PAPSS1: variants seen among roughly 807,000 people sequenced by gnomAD.
PAPSS1 encodes the protein bifunctional 3'-phosphoadenosine 5'-phosphosulfate synthase 1.
In PAPSS1, 50 loss-of-function variants were observed where a neutral mutation model predicts 72.0. The ratio of observed to expected loss-of-function variants is 0.69; its 90% CI spans 0.55 to 0.88. The LOEUF (loss-of-function observed/expected upper bound fraction) is 0.88. Among genes scored for constraint, PAPSS1 ranks in the 40% least tolerant of loss-of-function variants. The probability of loss-of-function intolerance (pLI) is 0.00; values close to 1 mark genes in which losing one functional copy is unlikely to be tolerated. For synonymous variants in PAPSS1, 261 were observed against 263.6 expected (o/e 0.99, Z 0.09); for missense variants, 657 against 782.2 (o/e 0.84, Z 1.91).
rs78502548 is a variant in PAPSS1, at chr4:107,664,665, A to G, written c.670-4593T>C. On this transcript the variant is annotated intron_variant, in intron 5 of 11. Coordinates refer to ENST00000265174, the MANE Select transcript of PAPSS1 (RefSeq NM_005443.5). ...TTCCAACCATATCCCCAAGTTAAAAAAAAAAAACTGTACAAATAATTTGTG... is the reference window on the plus strand; with the variant it reads ...TTCCAACCATATCCCCAAGTTAAAAGAAAAAAACTGTACAAATAATTTGTG... Among the ~76,000 whole-genome samples, 115 of 152,328 alleles carry G rather than the reference A, an allele frequency of 7.5e-4. 1 individual carries two copies. The East Asian group carries it at 0.019, about 25-fold the overall frequency.
chr4:107,680,880 C>T (rs3805346), intron 5 of PAPSS1, among the ~76,000 whole-genome samples: 128,909 of 152,156 alleles, frequency 0.85, 55,990 homozygotes, highest in South Asian at 0.97. Context: ...AATAATGATA[C>T]CTGATCAGTA....
rs953704883 is a variant in PAPSS1 at position 107,711,822 on chromosome 4, T to C, written c.60+8298A>G. Among the ~76,000 whole-genome samples, 9 of 152,202 alleles carry C rather than the reference T, an allele frequency of 5.9e-5. No individual in the cohort carries two copies. The South Asian group carries it at 1.0e-3, about 17-fold the overall frequency. On this transcript the variant is annotated intron_variant, in intron 1 of 11. Coordinates refer to ENST00000265174, the MANE Select transcript of PAPSS1 (RefSeq NM_005443.5). ...GTTAACTAATAACTGAAATTAATATTTTAAATATTAATAAGTCAATGATAA... is the reference window on the plus strand; with the variant it reads ...GTTAACTAATAACTGAAATTAATATCTTAAATATTAATAAGTCAATGATAA...
chr4:107,705,541 T>C (rs565285057), intron 1 of PAPSS1, among the ~76,000 whole-genome samples: 3 of 152,380 alleles, frequency 2.0e-5, no homozygotes, highest in Non-Finnish European at 4.4e-5. Context: ...CTTTATAGTT[T>C]ACCTGGTCTT....
At chr4:107,662,190 G>T (rs1727198714) in intron 5 of PAPSS1, among the ~76,000 whole-genome samples, 1 of 152,234 alleles carries the variant, frequency 6.6e-6, no homozygotes, top group Non-Finnish European at 1.5e-5. Context: ...TGCTCTTGGG[G>T]TGTAGACATG....
intron 1 of PAPSS1, among the ~76,000 whole-genome samples, chr4:107,706,399 T>C (rs1008126325): frequency 7.2e-5 from 11 of 152,188 alleles, no homozygotes; most frequent in Non-Finnish European, 1.3e-4. Flanking sequence ...TCAGTGCTTC[T>C]ATGGATGCTC....
intron 1 of PAPSS1, among the ~76,000 whole-genome samples, chr4:107,705,687 T>C (rs1406627789): frequency 1.3e-5 from 2 of 152,240 alleles, no homozygotes; most frequent in African/African-American, 4.8e-5. Context: ...TCTTTTAACA[T>C]TCATACCGGA....
intron 9 of PAPSS1, among the ~76,000 whole-genome samples, chr4:107,651,205 A>T (rs911061260): frequency 6.6e-6 from 1 of 152,234 alleles, no homozygotes; most frequent in African/African-American, 2.4e-5. Flanking sequence ...AAAACCCTAA[A>T]GAAGCCACGA....
At chr4:107,709,226 A>C (rs1723425617) in intron 1 of PAPSS1, among the ~76,000 whole-genome samples, 1 of 152,202 alleles carries the variant, frequency 6.6e-6, no homozygotes, top group Non-Finnish European at 1.5e-5. Flanking sequence ...CTAACTCCCA[A>C]TTTTTCAAAG....
In PAPSS1 at chr4:107,614,268, T is replaced by C; in HGVS notation, c.1856A>G (p.Lys619Arg). 1.2e-6 allele frequency: 2 copies of C among 1,613,654 alleles called. No homozygotes were observed. Among genetic ancestry groups the C allele is most frequent in the Non-Finnish European group, 8.5e-7 (1 of 1,179,722 alleles). Reference protein sequence around the residue: ...KAWTVLTEYYKSLEKA With the variant: ...KAWTVLTEYYRSLEKA Reference sequence around the variant, plus strand: ...AACAGCCTAAGCTTTCTCCAAGGATTTGTAGTATTCTGTCAGCACGGTCCA... The same window carrying C: ...AACAGCCTAAGCTTTCTCCAAGGATCTGTAGTATTCTGTCAGCACGGTCCA... Residue 619 changes from lysine to arginine, a missense_variant, in exon 12 of 12, where the codon AAA becomes AGA. Transcript: ENST00000265174.
At chr4:107,624,544 G>C (rs1445320272) in intron 11 of PAPSS1, among the ~76,000 whole-genome samples, 2 of 151,972 alleles carry the variant, frequency 1.3e-5, no homozygotes, top group African/African-American at 4.8e-5. Context: ...TCAAAGTTTT[G>C]TACTAATTTC....
intron 1 of PAPSS1, among the ~76,000 whole-genome samples, chr4:107,713,019 C>T (rs182143513): frequency 2.3e-3 from 356 of 151,636 alleles, no homozygotes; most frequent in South Asian, 6.9e-3. Flanking sequence ...ATGATCTCAG[C>T]TCACTGCAAC....
At chr4:107,704,918 T>G (rs958529710) in intron 1 of PAPSS1, among the ~76,000 whole-genome samples, 6 of 150,712 alleles carry the variant, frequency 4.0e-5, no homozygotes, top group African/African-American at 1.5e-4. Context: ...GCCATTGCAC[T>G]CGAGCCTGGG....
chr4:107,720,092 C>G, intron 1 of PAPSS1, 28 bp downstream of exon 1: 1 of 1,596,726 alleles, frequency 6.3e-7, no homozygotes, highest in Admixed American at 1.7e-5. Context: ...CTCCGCTCCT[C>G]GCCGTCTCGC....
chr4:107,625,834 G>T (rs1726080313), intron 11 of PAPSS1, among the ~76,000 whole-genome samples: 1 of 152,138 alleles, frequency 6.6e-6, no homozygotes, highest in African/African-American at 2.4e-5. Flanking sequence ...AAGCCTTGAA[G>T]GATGCCTACA....
intron 1 of PAPSS1, among the ~76,000 whole-genome samples, chr4:107,713,541 C>T (rs1256552211): frequency 3.3e-5 from 5 of 151,922 alleles, no homozygotes; most frequent in Non-Finnish European, 5.9e-5. Context: ...GGGCAGATCA[C>T]GAGGTCAAGA....
intron 10 of PAPSS1, among the ~76,000 whole-genome samples, chr4:107,637,048 T>C (rs567003972): frequency 2.0e-5 from 3 of 152,356 alleles, no homozygotes; most frequent in Non-Finnish European, 2.9e-5. Context: ...ATTTTAGTTC[T>C]ATAATGGTTT....
At chr4:107,684,936 C>G (rs758779636) in intron 4 of PAPSS1, among the ~76,000 whole-genome samples, 2 of 151,788 alleles carry the variant, frequency 1.3e-5, no homozygotes, top group Non-Finnish European at 2.9e-5. Context: ...GATGGAGTCT[C>G]GCTCTGTCGC....
At chr4:107,705,108 C>T (rs1309245553) in intron 1 of PAPSS1, among the ~76,000 whole-genome samples, 1 of 152,142 alleles carries the variant, frequency 6.6e-6, no homozygotes, top group Non-Finnish European at 1.5e-5. Flanking sequence ...GGGACACTGG[C>T]CTGTGATTTT....
Position 107,614,270 on chromosome 4 carries a change from G to A in PAPSS1, c.1854C>T (p.Tyr618=). ...PKAWTVLTEY[Y]KSLEKA is the part of the protein sequence containing the mutation. ...CAGCCTAAGCTTTCTCCAAGGATTT[G>A]TAGTATTCTGTCAGCACGGTCCAAG... The change falls in exon 12 of 12, where the codon TAC becomes TAT. Residue 618 remains tyrosine, a synonymous_variant. Coordinates refer to ENST00000265174, the MANE Select transcript of PAPSS1 (RefSeq NM_005443.5). 6.2e-7 allele frequency: 1 copy of A among 1,613,802 alleles called. No individual in the cohort carries two copies. Among genetic ancestry groups the A allele is most frequent in the Non-Finnish European group, 8.5e-7 (1 of 1,179,798 alleles).
Sources: allele counts gnomAD v4.1 joint callset (sites outside exome capture counted in the v4.1 genomes callset), GRCh38; gene constraint gnomAD v4.1.1; transcripts MANE v1.5; gene names NCBI Gene and HGNC (gene_info 2026-07-23, HGNC 2026-07-21).